CASTOR2: variants seen among roughly 807,000 people sequenced by gnomAD.
CASTOR2 encodes the protein cytosolic arginine sensor for mTORC1 subunit 2.
In CASTOR2, 8 loss-of-function variants were observed where a neutral mutation model predicts 31.2. That is an observed-to-expected ratio of 0.26 (90% confidence interval 0.15 to 0.46). The LOEUF is 0.46. CASTOR2 is among the 20% of genes least tolerant of loss of function. The pLI is 0.99. For missense variants in CASTOR2, 216 were observed against 382.1 expected (o/e 0.57, Z 3.62); for synonymous variants, 162 against 158.7 (o/e 1.02, Z -0.16).
intron 1 of CASTOR2, among the ~76,000 whole-genome samples, chr7:74,977,184 CA>C (rs1160729242): frequency 0.014 from 494 of 36,044 alleles, 3 homozygotes; most frequent in African/African-American, 0.038. Context: ...AACTCCATCT[CA>C]AAAAAAAAAA....
In CASTOR2 at chr7:74,981,541, A is replaced by G. The variant is rs1803945597; in HGVS notation, c.113+16443A>G. ...CCCTGACCCTGAGGCCTCAGGACGA[A>G]GGTCTCATCCCCTCCAGGCAGGCCC... On this transcript the variant is annotated intron_variant, in intron 1 of 8. Coordinates refer to ENST00000616305, the MANE Select transcript of CASTOR2 (RefSeq NM_001145064.3). Among the ~76,000 whole-genome samples, 2 of 144,908 alleles carry G rather than the reference A, an allele frequency of 1.4e-5. 1 individual carries two copies. Among genetic ancestry groups the G allele is most frequent in the South Asian group, 4.5e-4 (2 of 4,416 alleles).
rs1448064064 is a variant in CASTOR2 at position 74,997,104 on chromosome 7, G to A, written c.114-10890G>A. Among the ~76,000 whole-genome samples the A allele has an allele frequency of 5.6e-4, 85 of 151,978 alleles. 2 individuals carry two copies. The South Asian group carries it at 0.016, about 29-fold the overall frequency. ...CTTACACTGTCACCTAGGTTGGAGT[G>A]CAGTGGTGCAATCATAGCTCATCAC... is the stretch of plus-strand genomic sequence containing the variant. On this transcript the variant is annotated intron_variant, in intron 1 of 8. Coordinates refer to ENST00000616305, the MANE Select transcript of CASTOR2 (RefSeq NM_001145064.3).
In CASTOR2 at chr7:75,018,953, C is replaced by T; in HGVS notation, c.512-19C>T. ...TTTCAGTCCCAGCCTCAGTGCCTGA[C>T]ATCTTTGTGCTCTTACAGTCCAGAG... is the stretch of plus-strand genomic sequence containing the variant. On this transcript the variant is annotated intron_variant, in intron 4 of 8. Coordinates refer to ENST00000616305, the MANE Select transcript of CASTOR2 (RefSeq NM_001145064.3). 6.4e-7 allele frequency: 1 copy of T among 1,551,878 alleles called. No homozygotes were observed. The highest frequency in any genetic ancestry group is 8.7e-7 in the Non-Finnish European group (1 of 1,146,964).
intron 1 of CASTOR2, among the ~76,000 whole-genome samples, chr7:74,995,699 T>C (rs1804329561): frequency 6.6e-6 from 1 of 151,646 alleles, no homozygotes; most frequent in Non-Finnish European, 1.5e-5. Context: ...TCCCAGCTAC[T>C]TGGGAGGCTG....
intron 1 of CASTOR2, among the ~76,000 whole-genome samples, chr7:74,972,805 G>A (rs587774811): frequency 1.4e-5 from 2 of 147,444 alleles, no homozygotes; most frequent in African/African-American, 5.0e-5. Context: ...TCAGCCTTCC[G>A]AGTAGCTGGG....
At chr7:74,997,437 CTTT>C (rs879150708) in intron 1 of CASTOR2, among the ~76,000 whole-genome samples, 4 of 138,056 alleles carry the variant, frequency 2.9e-5, no homozygotes, top group African/African-American at 5.3e-5. Flanking sequence ...AAAGCATTGC[CTTT>C]TTTTTTTTTT....
chr7:74,975,671 G>A (rs1428663406), intron 1 of CASTOR2, among the ~76,000 whole-genome samples: 2 of 112,842 alleles, frequency 1.8e-5, no homozygotes, highest in Admixed American at 9.4e-5. Flanking sequence ...CAGCCTGGGC[G>A]ACAGAGCCAG....
rs1805244431 is a variant in CASTOR2 at position 75,029,618 on chromosome 7, A to G, written c.*4919A>G. On this transcript the variant is annotated 3_prime_UTR_variant, in exon 9 of 9. Transcript: ENST00000616305. ...CTTGGCCTCCCAAAGTGCTGGGATT[A>G]CAGGCATGAGATACCCCGCCTGGCC... Among the ~76,000 whole-genome samples the G allele has an allele frequency of 1.3e-5, 2 of 151,956 alleles. No individual in the cohort carries two copies. The highest frequency in any genetic ancestry group is 1.3e-4 in the Admixed American group (2 of 15,248).
chr7:74,985,631 G>T (rs1372865043), intron 1 of CASTOR2, among the ~76,000 whole-genome samples: 1 of 143,322 alleles, frequency 7.0e-6, no homozygotes, highest in Non-Finnish European at 1.5e-5. Flanking sequence ...GGGGATCTCA[G>T]TTCTGCCCTG....
intron 1 of CASTOR2, among the ~76,000 whole-genome samples, chr7:74,975,130 G>A (rs1803771752): frequency 6.6e-6 from 1 of 151,164 alleles, no homozygotes; most frequent in Non-Finnish European, 1.5e-5. Context: ...ACCATGCTCA[G>A]CTAATTTTTT....
In CASTOR2 at chr7:75,024,436, C is replaced by T; in HGVS notation, c.830-4C>T. ...GAGGCTAAGGACGGTCTCTCCTGTT[C>T]TAGATGAGTGTGGCATCGTGGCCCA... On this transcript the variant is annotated splice_polypyrimidine_tract_variant and splice_region_variant and intron_variant, in intron 7 of 8. Transcript: ENST00000616305. 1 of 1,551,556 alleles carries T rather than the reference C, an allele frequency of 6.4e-7. No individual in the cohort carries two copies. The highest frequency in any genetic ancestry group is 8.7e-7 in the Non-Finnish European group (1 of 1,146,842).
In CASTOR2 at chr7:74,985,424, A is replaced by C. The variant is rs1159143939; in HGVS notation, c.113+20326A>C. Among the ~76,000 whole-genome samples the C allele has an allele frequency of 7.2e-4, 110 of 151,966 alleles. 1 individual carries two copies. The highest frequency in any genetic ancestry group is 1.3e-3 in the Non-Finnish European group (89 of 67,970). On this transcript the variant is annotated intron_variant, in intron 1 of 8. Coordinates refer to ENST00000616305, the MANE Select transcript of CASTOR2 (RefSeq NM_001145064.3). ...GTGAGACCCCCATCTCTACAAAAAA[A>C]TATACAAGTAGCTGGGCATGGTGAT...
At chr7:75,011,105 C>T (rs1804733210) in intron 2 of CASTOR2, among the ~76,000 whole-genome samples, 1 of 152,054 alleles carries the variant, frequency 6.6e-6, no homozygotes, top group Non-Finnish European at 1.5e-5. Flanking sequence ...AGTGATCCAC[C>T]TGCCTTGACC....
In CASTOR2 at chr7:75,025,469, C is replaced by G. The variant is rs1234269303; in HGVS notation, c.*770C>G. 1.3e-5 allele frequency among the ~76,000 whole-genome samples: 2 copies of G among 152,334 alleles called. No homozygotes were observed. The highest frequency in any genetic ancestry group is 3.9e-4 in the East Asian group (2 of 5,174). ...CCAGCTCCTGTCCCCTCGGCTCTCC[C>G]TGGACCCGACTTGGGCAGGTAGAGC... On this transcript the variant is annotated 3_prime_UTR_variant, in exon 9 of 9. Coordinates refer to ENST00000616305, the MANE Select transcript of CASTOR2 (RefSeq NM_001145064.3).
intron 1 of CASTOR2, among the ~76,000 whole-genome samples, chr7:74,984,384 C>T (rs1279507843): frequency 2.6e-4 from 39 of 151,678 alleles, no homozygotes; most frequent in Admixed American, 3.9e-4. Context: ...GCGTTTGGCT[C>T]GTTGGAAGTG....
chr7:75,019,550 G>C (rs1023407902), intron 5 of CASTOR2, among the ~76,000 whole-genome samples: 14 of 152,316 alleles, frequency 9.2e-5, no homozygotes, highest in African/African-American at 3.1e-4. Flanking sequence ...CCTACCCTGG[G>C]AACCCCAAAA....
chr7:74,980,746 A>G (rs1174970575), intron 1 of CASTOR2, among the ~76,000 whole-genome samples: 1 of 123,922 alleles, frequency 8.1e-6, no homozygotes, highest in African/African-American at 4.1e-5. Flanking sequence ...TATTTGTTTC[A>G]GATTGGCTGA....
chr7:75,020,143 AGC>A lies in CASTOR2; in HGVS notation c.741_742del (p.Gln248GlufsTer4). The A allele has an allele frequency of 6.4e-7, 1 of 1,551,452 alleles. No individual in the cohort carries two copies. The highest frequency in any genetic ancestry group is 8.7e-7 in the Non-Finnish European group (1 of 1,146,824). ...TCCCTGGTGATGGACGTGCAGACGC[AGC>A]AGAGGTGAGCCAGGCCCTGGGGTGG... On this transcript the variant is annotated frameshift_variant, in exon 6 of 9. Coordinates refer to ENST00000616305, the MANE Select transcript of CASTOR2 (RefSeq NM_001145064.3). LOFTEE classifies it high-confidence loss of function.
At chr7:74,965,882 A>ACACACACACACACACACACT (rs201553918) in intron 1 of CASTOR2, among the ~76,000 whole-genome samples, 1 of 19,066 alleles carries the variant, frequency 5.2e-5, no homozygotes, top group African/African-American at 3.0e-4. Context: ...ACACACACAC[A>ACACACACACACACACACACT]CTCTCTCTCT....
Sources: allele counts gnomAD v4.1 joint callset (sites outside exome capture counted in the v4.1 genomes callset), GRCh38; gene constraint gnomAD v4.1.1; transcripts MANE v1.5; gene names NCBI Gene and HGNC (gene_info 2026-07-23, HGNC 2026-07-21).